MYH10: variants seen among roughly 807,000 people sequenced by gnomAD.
MYH10 encodes the protein myosin-10.
In MYH10, 55 loss-of-function variants were observed where a neutral mutation model predicts 257.8. That is an observed-to-expected ratio of 0.21 (90% CI 0.17 to 0.27). The LOEUF is 0.27. Ranked by LOEUF, MYH10 falls within the 10% of genes least tolerant of loss-of-function variation. MYH10 has a pLI of 1.00. For synonymous variants in MYH10, 854 were observed against 921.7 expected (o/e 0.93, Z 1.33); for missense variants, 1,631 against 2,500.6 (o/e 0.65, Z 7.42).
chr17:8,626,055 T>A (rs925848389), intron 1 of MYH10, among the ~76,000 whole-genome samples: 4 of 152,216 alleles, frequency 2.6e-5, no homozygotes, highest in Non-Finnish European at 5.9e-5. Context: ...CAACATGTGA[T>A]TAATGTTATT....
At chr17:8,493,066 G>A in intron 32 of MYH10, 42 bp from the exon 33 acceptor site, 2 of 1,590,616 alleles carry the variant, frequency 1.3e-6, no homozygotes, top group Non-Finnish European at 1.7e-6. Context: ...CAGTATTAAT[G>A]TACTCAATTG....
intron 4 of MYH10, among the ~76,000 whole-genome samples, chr17:8,588,828 C>A (rs1214991792): frequency 6.6e-6 from 1 of 152,202 alleles, no homozygotes; most frequent in Admixed American, 6.5e-5. Context: ...AGTAGGCCTA[C>A]ACTTTGACCT....
In MYH10 at chr17:8,617,127, G is replaced by A. The variant is rs1203774840; in HGVS notation, c.345+5775C>T. On this transcript the variant is annotated intron_variant, in intron 2 of 42. Coordinates refer to ENST00000360416, the MANE Select transcript of MYH10 (RefSeq NM_001256012.3). ...AATATTCAATTCTAGATGGAATTGA[G>A]GCTGACCCTAAGAAAAGGATCATCA... Among the ~76,000 whole-genome samples the A allele has an allele frequency of 7.3e-5, 11 of 151,372 alleles. No individual in the cohort carries two copies. In the East Asian group the frequency reaches 1.6e-3, roughly 21 times the overall value.
chr17:8,481,547 AATT>A, intron 37 of MYH10, 137 bp from the exon 38 acceptor site: 1 of 751,978 alleles, frequency 1.3e-6, no homozygotes, highest in East Asian at 2.9e-5. Context: ...AGATTTGAGA[AATT>A]AAACTGTCAA....
intron 3 of MYH10, among the ~76,000 whole-genome samples, chr17:8,601,667 T>A (rs941008579): frequency 6.6e-6 from 1 of 152,242 alleles, no homozygotes; most frequent in Admixed American, 6.5e-5. Flanking sequence ...TACCATTCCA[T>A]GCTTTTAATG....
intron 4 of MYH10, among the ~76,000 whole-genome samples, chr17:8,585,630 G>C (rs1798182930): frequency 6.6e-6 from 1 of 152,006 alleles, no homozygotes; most frequent in South Asian, 2.1e-4. Context: ...ATGAAAAGCT[G>C]TTACTAAATA....
intron 4 of MYH10, among the ~76,000 whole-genome samples, chr17:8,580,802 G>A (rs895579435): frequency 1.3e-5 from 2 of 152,160 alleles, no homozygotes; most frequent in African/African-American, 4.8e-5. Context: ...TGTGTCAATA[G>A]AGTCCATGTC....
intron 25 of MYH10, 81 bp from the exon 26 acceptor site, chr17:8,508,758 T>A: frequency 6.4e-6 from 10 of 1,551,430 alleles, no homozygotes; most frequent in Non-Finnish European, 8.8e-6. Context: ...AAGGTCAACT[T>A]TGACTCGAGA....
chr17:8,476,403 A>G (rs1425280059), intron 42 of MYH10, among the ~76,000 whole-genome samples: 1 of 152,228 alleles, frequency 6.6e-6, no homozygotes, highest in Non-Finnish European at 1.5e-5. Context: ...CATTGGCCAG[A>G]TGTGCTGAAA....
At position 8,516,954 on chromosome 17, in the gene MYH10, C is replaced by T. The variant is rs112702842; in HGVS notation, c.2504+1677G>A. On this transcript the variant is annotated intron_variant, in intron 21 of 42. Coordinates refer to ENST00000360416, the MANE Select transcript of MYH10 (RefSeq NM_001256012.3). ...GAGATCGAGACCATCCTGGCTAACA[C>T]GGCGAAACCCCATCTCTACTAAAAA... 8.4e-3 allele frequency among the ~76,000 whole-genome samples: 1,269 copies of T among 151,968 alleles called. 10 individuals carry two copies. The highest frequency in any genetic ancestry group is 0.011 in the Non-Finnish European group (778 of 67,986).
intron 2 of MYH10, among the ~76,000 whole-genome samples, chr17:8,612,111 T>A (rs2085062842): frequency 1.3e-5 from 2 of 152,230 alleles, no homozygotes; most frequent in Admixed American, 6.5e-5. Flanking sequence ...GACCGTGAAT[T>A]ATCCCTTCGT....
At chr17:8,488,608 C>T (rs758567601) in intron 35 of MYH10, among the ~76,000 whole-genome samples, 1 of 152,238 alleles carries the variant, frequency 6.6e-6, no homozygotes, top group Non-Finnish European at 1.5e-5. Flanking sequence ...CTTCCGCTTC[C>T]TGCAAAGAGG....
chr17:8,482,289 T>C (rs1010497338), intron 37 of MYH10, among the ~76,000 whole-genome samples: 2 of 152,172 alleles, frequency 1.3e-5, no homozygotes, highest in African/African-American at 2.4e-5. Context: ...GAGCACACCT[T>C]GAAGGTGTCT....
In MYH10 at chr17:8,623,202, A is replaced by G; in HGVS notation, c.45T>C (p.Phe15=). The G allele has an allele frequency of 1.2e-6, 2 of 1,608,538 alleles. No individual in the cohort carries two copies. The highest frequency in any genetic ancestry group is 8.5e-7 in the Non-Finnish European group (1 of 1,178,022). Residue 15 remains phenylalanine (F), a synonymous_variant, in exon 2 of 43, where the codon TTT becomes TTC. Coordinates refer to ENST00000360416, the MANE Select transcript of MYH10 (RefSeq NM_001256012.3). ...TGLEDPERYL[F]VDRAVIYNPA... ...GGTTGTAGATGACAGCCCTGTCCAC[A>G]AAGAGATACCTCTCTGGATCCTCGA...
chr17:8,503,271 G>A (rs1597667818), intron 28 of MYH10, among the ~76,000 whole-genome samples: 4 of 150,496 alleles, frequency 2.7e-5, no homozygotes, highest in Non-Finnish European at 1.5e-5. Context: ...CAACAAGAGC[G>A]AAACTCCGTC....
chr17:8,554,742 G>A (rs1333188924), intron 7 of MYH10, among the ~76,000 whole-genome samples: 2 of 152,178 alleles, frequency 1.3e-5, no homozygotes, highest in Non-Finnish European at 2.9e-5. Flanking sequence ...CTGAGGTCAG[G>A]AGTTCAAGAC....
intron 2 of MYH10, among the ~76,000 whole-genome samples, chr17:8,620,661 G>C (rs949382295): frequency 6.6e-6 from 1 of 152,056 alleles, no homozygotes; most frequent in Non-Finnish European, 1.5e-5. Flanking sequence ...ATCCCAACTG[G>C]CTGGTTAATT....
intron 3 of MYH10, among the ~76,000 whole-genome samples, chr17:8,594,215 CTT>C (rs1472316628): frequency 2.6e-5 from 4 of 152,126 alleles, no homozygotes; most frequent in South Asian, 4.1e-4. Context: ...CAATAAAAGA[CTT>C]ATATCTAGAA....
chr17:8,598,733 G>T (rs2084481479), intron 3 of MYH10, among the ~76,000 whole-genome samples: 1 of 150,454 alleles, frequency 6.6e-6, no homozygotes, highest in Non-Finnish European at 1.5e-5. Context: ...TTGAGACGGG[G>T]TCTTGCTCTG....
Sources: allele counts gnomAD v4.1 joint callset (sites outside exome capture counted in the v4.1 genomes callset), GRCh38; gene constraint gnomAD v4.1.1; transcripts MANE v1.5; gene names NCBI Gene and HGNC (gene_info 2026-07-23, HGNC 2026-07-21).